The following TSC2 variants were observed in gnomAD, a reference collection of about 807,000 sequenced individuals.
TSC2 encodes the protein tuberin.
Under a neutral mutation model 202.2 loss-of-function variants are expected in TSC2, and 29 were observed. That is an observed-to-expected ratio of 0.14 (90% CI 0.11 to 0.20). The LOEUF is 0.20. TSC2 is among the 10% of genes least tolerant of loss of function. The probability of loss-of-function intolerance (pLI) is 1.00; values close to 1 mark genes in which losing one functional copy is unlikely to be tolerated. For missense variants in TSC2, 2,429 were observed against 2,420.0 expected (o/e 1.00, Z -0.08); for synonymous variants, 1,349 against 1,044.0 (o/e 1.29, Z -5.63).
At position 2,077,599 on chromosome 16, in the gene TSC2, C is replaced by T. The variant is rs2089574802; in HGVS notation, c.2839C>T (p.Leu947=). ...TGGGGCTCCTTCCTCACCCGATAGT[C>T]TGAGGATAGCCAGACCCCCCAAACA... is the stretch of plus-strand genomic sequence containing the variant. ...STSLNERPKS[L]RIARPPKQGL... Residue 947 remains leucine (L), a splice_region_variant and synonymous_variant, in exon 26 of 42, where the codon CTG becomes TTG. Coordinates refer to ENST00000219476, the MANE Select transcript of TSC2 (RefSeq NM_000548.5). 1 of 1,613,056 alleles carries T rather than the reference C, an allele frequency of 6.2e-7. No individual in the cohort carries two copies. The highest frequency in any genetic ancestry group is 8.5e-7 in the Non-Finnish European group (1 of 1,179,994).
At chr16:2,072,197 CTAGGGT>C in intron 19 of TSC2, 38 bp from the exon 20 acceptor site, 1 of 1,612,800 alleles carries the variant, frequency 6.2e-7, no homozygotes, top group Admixed American at 1.7e-5. Flanking sequence ...GCCTCTGTCT[CTAGGGT>C]CCAGAAGGCC....
At chr16:2,084,899 G>A (rs2151541995) in intron 34 of TSC2, 52 bp from the exon 35 acceptor site, 1 of 1,609,482 alleles carries the variant, frequency 6.2e-7, no homozygotes, top group Non-Finnish European at 8.5e-7. Context: ...GTGGGCTGTG[G>A]CTGCCCTGGC....
chr16:2,055,349 A>G (rs1411185493), intron 5 of TSC2, 53 bp from the exon 6 acceptor site: 1 of 1,394,018 alleles, frequency 7.2e-7, no homozygotes, highest in Non-Finnish European at 1.0e-6. Flanking sequence ...GGGGGAGGTG[A>G]GTGGGAGATG....
At chr16:2,061,213 A>G (rs1289330976) in intron 11 of TSC2, 1 of 326,528 alleles carries the variant, frequency 3.1e-6, no homozygotes, top group South Asian at 2.7e-5. Context: ...GGAGGACTCC[A>G]CGGCCACACG....
intron 38 of TSC2, 133 bp from the exon 39 acceptor site, chr16:2,087,730 C>A: frequency 1.8e-6 from 2 of 1,138,700 alleles, no homozygotes; most frequent in South Asian, 1.3e-5. Flanking sequence ...AGCCCCGCTG[C>A]CAGAGGGGAA....
intron 2 of TSC2, 56 bp downstream of exon 2, chr16:2,048,809 GT>G: frequency 6.2e-7 from 1 of 1,612,382 alleles, no homozygotes; most frequent in Non-Finnish European, 8.5e-7. Context: ...AGAAGGCTGG[GT>G]TTGGTCTTGC....
chr16:2,074,444 G>A lies in TSC2; in HGVS notation c.2545+55G>A, dbSNP rs560844388. The A allele has an allele frequency of 1.1e-5, 18 of 1,595,256 alleles. No homozygotes were observed. The African/African-American group carries it at 2.0e-4, about 18-fold the overall frequency. ...CCGAGAGGTTCGGGCTGTGTAACCT[G>A]TGCGGGCTTCTCTGGTGCCCTCTCT... On this transcript the variant is annotated intron_variant, in intron 22 of 41. Coordinates refer to ENST00000219476, the MANE Select transcript of TSC2 (RefSeq NM_000548.5).
At position 2,065,777 on chromosome 16, in the gene TSC2, G is replaced by A. The variant is rs1596318391; in HGVS notation, c.1716+142G>A. The A allele has an allele frequency of 1.2e-5, 9 of 750,232 alleles. No homozygotes were observed. In the East Asian group the frequency reaches 2.3e-4, roughly 19 times the overall value. The allele number at this position is 750,232 out of a possible 1,614,324, so 46.5% of individuals were successfully genotyped here. On this transcript the variant is annotated intron_variant, in intron 16 of 41. Transcript: ENST00000219476. ...GCTGAGGGTGCGGTGGTCTCAGCAG[G>A]CAGCAGAACCTTCCTCCTGCTCTTG...
rs761112481 is a variant in TSC2, at chr16:2,056,136, C to CTT, written c.600-60_600-59insTT. On this transcript the variant is annotated intron_variant, in intron 6 of 41. Coordinates refer to ENST00000219476, the MANE Select transcript of TSC2 (RefSeq NM_000548.5). ...ACGTCATAGAGTGACTAGACCACAG[C>CTT]CCGTGGTGGCTCGGCCATCCAGGCA... 6.9e-6 allele frequency: 11 copies of CTT among 1,605,376 alleles called. No homozygotes were observed. The East Asian group carries it at 2.2e-4, about 33-fold the overall frequency.
intron 3 of TSC2, 70 bp downstream of exon 3, chr16:2,050,556 A>G: frequency 7.0e-6 from 9 of 1,291,244 alleles, no homozygotes; most frequent in Non-Finnish European, 1.0e-5. Flanking sequence ...TGCTTTTTTT[A>G]GGAACATGGT....
At chr16:2,074,735 G>A in intron 22 of TSC2, 3 of 402,874 alleles carry the variant, frequency 7.4e-6, no homozygotes, top group Non-Finnish European at 1.4e-5. Flanking sequence ...TGTGACTTCA[G>A]GAGCTCAGGT....
intron 1 of TSC2, 186 bp downstream of exon 1, chr16:2,048,251 G>C: frequency 7.5e-7 from 1 of 1,335,518 alleles, no homozygotes; most frequent in South Asian, 1.3e-5. Context: ...AGGCGGCTCC[G>C]TGACAGCTCC....
At chr16:2,057,666 C>T (rs1220294398) in intron 9 of TSC2, among the ~76,000 whole-genome samples, 1 of 152,184 alleles carries the variant, frequency 6.6e-6, no homozygotes, top group Non-Finnish European at 1.5e-5. Context: ...TGGCCTTTTT[C>T]TGACACAGAT....
At chr16:2,053,556 C>T in intron 4 of TSC2, 104 bp downstream of exon 4, 1 of 1,195,604 alleles carries the variant, frequency 8.4e-7, no homozygotes. Context: ...AGTTGCTGGG[C>T]ACAGGGTCTA....
Position 2,086,869 on chromosome 16 carries a change from A to G in TSC2, c.4987A>G (p.Lys1663Glu), listed in dbSNP as rs2151589674. 6.3e-7 allele frequency: 1 copy of G among 1,586,004 alleles called. No homozygotes were observed. The highest frequency in any genetic ancestry group is 8.6e-7 in the Non-Finnish European group (1 of 1,167,326). Residue 1663 changes from lysine to glutamate, a missense_variant and splice_region_variant, in exon 38 of 42, where the codon AAG becomes GAG. Transcript: ENST00000219476. ...TGAGGACTTCAAGCTTGGCACCATC[A>G]AGGTGAGTGAGGGGCCGTCAGTGAG... is the stretch of plus-strand genomic sequence containing the variant. ...SGEDFKLGTI[K>E]GQFNFVHVIV...
Position 2,088,681 on chromosome 16 carries a change from C to T in TSC2, c.*71C>T, listed in dbSNP as rs45498900. On this transcript the variant is annotated 3_prime_UTR_variant, in exon 42 of 42. Coordinates refer to ENST00000219476, the MANE Select transcript of TSC2 (RefSeq NM_000548.5). ...TCAGTGAAATAAATAAAGTCCTGAC[C>T]CCAGTGCACAGACATAGAGGCACAG... The T allele has an allele frequency of 3.5e-3, 5,265 of 1,524,666 alleles. 16 individuals carry two copies. The highest frequency in any genetic ancestry group is 4.4e-3 in the Non-Finnish European group (4,940 of 1,134,740). The allele number at this position is 1,524,666 out of a possible 1,614,324, so 94.4% of individuals were successfully genotyped here. A position where few individuals can be genotyped will look rare whatever the true frequency, so the allele number is the denominator to read the frequency against.
Position 2,079,767 on chromosome 16 carries a change from G to A in TSC2, c.3397+98G>A. On this transcript the variant is annotated intron_variant, in intron 29 of 41. Coordinates refer to ENST00000219476, the MANE Select transcript of TSC2 (RefSeq NM_000548.5). This position sits in a 1 kb window ranked among gnomAD's most constrained non-coding sequence, Gnocchi z 4.6. ...GAAGGCCCCGAGCCCAGGGGCCGGG[G>A]TGGCTGGCTTCAGGCCCGGCCCACG... is the stretch of plus-strand genomic sequence containing the variant. 3 of 1,310,476 alleles carry A rather than the reference G, an allele frequency of 2.3e-6. No homozygotes were observed. Among genetic ancestry groups the A allele is most frequent in the South Asian group, 2.8e-5 (2 of 71,374 alleles). The allele number at this position is 1,310,476 out of a possible 1,614,324, so 81.2% of individuals were successfully genotyped here. A position where few individuals can be genotyped will look rare whatever the true frequency, so the allele number is the denominator to read the frequency against.
chr16:2,067,021 G>T lies in TSC2; in HGVS notation c.1716+1386G>T, dbSNP rs576805976. Among the ~76,000 whole-genome samples the T allele has an allele frequency of 1.5e-3, 226 of 152,154 alleles. 1 individual carries two copies. The highest frequency in any genetic ancestry group is 5.1e-3 in the African/African-American group (213 of 41,518). On this transcript the variant is annotated intron_variant, in intron 16 of 41. Coordinates refer to ENST00000219476, the MANE Select transcript of TSC2 (RefSeq NM_000548.5). ...ACGTGTGACTGTCAGTGTCAGTATCGTGTAAAATATAATGTATGAATCAGT... is the reference window on the plus strand; with the variant it reads ...ACGTGTGACTGTCAGTGTCAGTATCTTGTAAAATATAATGTATGAATCAGT...
Position 2,053,413 on chromosome 16 carries a change from C to T in TSC2, c.297C>T (p.His99=), listed in dbSNP as rs752498350. 72 of 1,586,634 alleles carry T rather than the reference C, an allele frequency of 4.5e-5. 1 individual carries two copies. The Middle Eastern group carries it at 1.9e-3, about 42-fold the overall frequency. The change falls in exon 4 of 42, where the codon CAC becomes CAT. Residue 99 remains histidine, a synonymous_variant. Coordinates refer to ENST00000219476, the MANE Select transcript of TSC2 (RefSeq NM_000548.5). ...LQPERPLEAR[H]AVLALLKAIV... Reference sequence around the variant, plus strand: ...CGGAGCGGCCGCTGGAGGCCCGGCACGCGGTGCTGGCTCTGCTGAAGGCCA... The same window carrying T: ...CGGAGCGGCCGCTGGAGGCCCGGCATGCGGTGCTGGCTCTGCTGAAGGCCA...
Sources: gnomAD v4.1 joint callset for allele counts (sites outside exome capture counted in the v4.1 genomes callset) on GRCh38, gnomAD v4.1.1 for gene constraint, Gnocchi (gnomAD v3.1) non-coding constraint, MANE v1.5 for transcripts, NCBI Gene and HGNC (gene_info 2026-07-23, HGNC 2026-07-21) for gene names.